STK3: variants seen among roughly 807,000 people sequenced by gnomAD.
The protein encoded by STK3 is serine/threonine-protein kinase 3.
STK3 carries 41 observed loss-of-function variants against 58.0 expected under a neutral mutation model. The ratio of observed to expected loss-of-function variants is 0.71; its 90% CI spans 0.55 to 0.92. The LOEUF (loss-of-function observed/expected upper bound fraction) is 0.92. Ranked by LOEUF, STK3 falls within the 40% of genes least tolerant of loss-of-function variation. STK3 has a pLI of 0.00. For missense variants in STK3, 479 were observed against 602.7 expected (o/e 0.79, Z 2.15); for synonymous variants, 170 against 191.0 (o/e 0.89, Z 0.91).
intron 10 of STK3, among the ~76,000 whole-genome samples, chr8:98,485,734 C>A (rs1339728965): frequency 2.0e-5 from 3 of 152,032 alleles, no homozygotes; most frequent in African/African-American, 7.2e-5. Context: ...AATGAAGTGG[C>A]AGGGCAAGAC....
At chr8:98,832,337 T>C (rs939954942) in intron 3 of STK3, among the ~76,000 whole-genome samples, 1 of 151,672 alleles carries the variant, frequency 6.6e-6, no homozygotes, top group African/African-American at 2.4e-5. Context: ...ATGCATATTA[T>C]ATATGTCCCA....
intron 6 of STK3, chr8:98,598,117 T>G (rs1815991657): frequency 1.0e-6 from 1 of 985,256 alleles, no homozygotes; most frequent in Non-Finnish European, 1.2e-6. Context: ...GCAGGTAAAT[T>G]ATACTAGATT....
chr8:98,590,455 T>G (rs1253647616), intron 7 of STK3, among the ~76,000 whole-genome samples: 1 of 152,014 alleles, frequency 6.6e-6, no homozygotes, highest in African/African-American at 2.4e-5. Context: ...TGGGCCAGAG[T>G]TCCAGGGGCT....
Position 98,592,507 on chromosome 8 carries a change from G to T in STK3, c.822+3525C>A, listed in dbSNP as rs147131760. On this transcript the variant is annotated intron_variant, in intron 7 of 10. Transcript: ENST00000419617. ...ACATTTTTGTCTTTCATTTCTCAAA[G>T]AATATAACTTCAGTTTTTTGTGTGT... is the stretch of plus-strand genomic sequence containing the variant. Among the ~76,000 whole-genome samples, 99 of 152,100 alleles carry T rather than the reference G, an allele frequency of 6.5e-4. No individual in the cohort carries two copies. In the East Asian group the frequency reaches 0.017, roughly 26 times the overall value.
chr8:98,662,041 A>AT (rs1233515891), intron 6 of STK3, among the ~76,000 whole-genome samples: 4 of 152,024 alleles, frequency 2.6e-5, no homozygotes, highest in Non-Finnish European at 5.9e-5. Flanking sequence ...CCTTACTCCT[A>AT]TTTTTTGTCC....
chr8:98,765,223 T>C (rs1296888411), intron 3 of STK3, among the ~76,000 whole-genome samples: 1 of 152,256 alleles, frequency 6.6e-6, no homozygotes, highest in Non-Finnish European at 1.5e-5. Flanking sequence ...CTATCTCATC[T>C]CTTATTCTAT....
intron 2 of STK3, among the ~76,000 whole-genome samples, chr8:98,373,897 T>C (rs935565676): frequency 3.9e-5 from 6 of 152,200 alleles, no homozygotes; most frequent in Non-Finnish European, 8.8e-5. Flanking sequence ...ATTTTGAATA[T>C]TGGACTCCAA....
chr8:98,358,329 T>G, the STK3 span, among the ~76,000 whole-genome samples: 1 of 152,178 alleles, frequency 6.6e-6, no homozygotes, highest in Middle Eastern at 3.4e-3. Context: ...ACACGCCCGT[T>G]ACCCAATAAA....
chr8:98,617,248 T>C (rs544788595), intron 6 of STK3, among the ~76,000 whole-genome samples: 9 of 147,854 alleles, frequency 6.1e-5, no homozygotes, highest in African/African-American at 1.5e-4. Context: ...GAAATAAAGA[T>C]GTTCTTTGAA....
At chr8:98,374,676 G>T (rs1456247583) in intron 2 of STK3, among the ~76,000 whole-genome samples, 2 of 152,072 alleles carry the variant, frequency 1.3e-5, no homozygotes, top group Non-Finnish European at 2.9e-5. Flanking sequence ...ATCCAAGGCT[G>T]CAACTAAACC....
intron 1 of STK3, among the ~76,000 whole-genome samples, chr8:98,819,908 C>T (rs1323814067): frequency 6.6e-6 from 1 of 152,168 alleles, no homozygotes; most frequent in African/African-American, 2.4e-5. Context: ...TGCTTTCTCT[C>T]ACCCACTTCC....
chr8:98,710,792 T>G (rs1049489396), intron 4 of STK3, among the ~76,000 whole-genome samples: 1 of 152,196 alleles, frequency 6.6e-6, no homozygotes, highest in African/African-American at 2.4e-5. Context: ...AAGAGAGTAG[T>G]GGTTCTCCCA....
intron 9 of STK3, among the ~76,000 whole-genome samples, chr8:98,544,143 G>A (rs1181314617): frequency 1.3e-5 from 2 of 152,124 alleles, no homozygotes; most frequent in African/African-American, 4.8e-5. Context: ...GCTGGATATA[G>A]AAGTGAAGGG....
In STK3 at chr8:98,537,487, C is replaced by A. The variant is rs529124565; in HGVS notation, c.1141+10482G>T. ...CAGAGAGGATGATGTTTCTGACTTACAATTTATTAAAAAAAATACTAGGCT... is the reference window on the plus strand; with the variant it reads ...CAGAGAGGATGATGTTTCTGACTTAAAATTTATTAAAAAAAATACTAGGCT... On this transcript the variant is annotated intron_variant, in intron 9 of 10. Transcript: ENST00000419617. Among the ~76,000 whole-genome samples the A allele has an allele frequency of 1.0e-3, 152 of 151,958 alleles. 1 individual carries two copies. Among genetic ancestry groups the A allele is most frequent in the Non-Finnish European group, 4.3e-4 (29 of 67,974 alleles).
At chr8:98,590,917 T>G (rs1018386970) in intron 7 of STK3, among the ~76,000 whole-genome samples, 1 of 152,220 alleles carries the variant, frequency 6.6e-6, no homozygotes, top group African/African-American at 2.4e-5. Context: ...TATCATAATA[T>G]TCTATCATAA....
intron 1 of STK3, among the ~76,000 whole-genome samples, chr8:98,919,595 C>T (rs546451240): frequency 1.3e-5 from 2 of 152,096 alleles, no homozygotes; most frequent in Admixed American, 6.5e-5. Context: ...AAACTTGGAC[C>T]GCTAAGAGCC....
chr8:98,643,942 G>A (rs1287249398), intron 6 of STK3, among the ~76,000 whole-genome samples: 1 of 152,080 alleles, frequency 6.6e-6, no homozygotes, highest in African/African-American at 2.4e-5. Context: ...CCTGAGCTCA[G>A]ATATTTGAGG....
upstream of STK3, among the ~76,000 whole-genome samples, chr8:98,828,294 T>A (rs1012036238): frequency 6.6e-6 from 1 of 151,810 alleles, no homozygotes; most frequent in African/African-American, 2.4e-5. Flanking sequence ...TCTTTTTGTG[T>A]TTCATCAGAG....
intron 6 of STK3, among the ~76,000 whole-genome samples, chr8:98,626,068 G>C (rs1376716951): frequency 6.6e-6 from 1 of 152,166 alleles, no homozygotes; most frequent in Non-Finnish European, 1.5e-5. Context: ...CTGATAAAAG[G>C]AGGTGGGGAA....
Sources: gnomAD v4.1 joint callset for allele counts (sites outside exome capture counted in the v4.1 genomes callset) on GRCh38, gnomAD v4.1.1 for gene constraint, MANE v1.5 for transcripts, NCBI Gene and HGNC (gene_info 2026-07-23, HGNC 2026-07-21) for gene names.